Variants in MARCHF1 observed in about 807,000 individuals in gnomAD.
MARCHF1 encodes the protein E3 ubiquitin-protein ligase MARCHF1.
Under a neutral mutation model 54.2 loss-of-function variants are expected in MARCHF1, and 40 were observed. That is an observed-to-expected ratio of 0.74 (90% CI 0.57 to 0.96). MARCHF1 has a LOEUF of 0.96. MARCHF1 is among the 40% of genes least tolerant of loss of function. The pLI, the probability that MARCHF1 is intolerant of heterozygous loss-of-function variation, is 0.00. For missense variants in MARCHF1, 586 were observed against 656.5 expected, an observed-to-expected ratio of 0.89 and a Z score of 1.17; for synonymous variants, 236 against 236.3, an observed-to-expected ratio of 1.00 and a Z score of 0.01.
intron 1 of MARCHF1, among the ~76,000 whole-genome samples, chr4:164,113,706 T>C (rs1755883234): frequency 6.6e-6 from 1 of 151,908 alleles, no homozygotes; most frequent in African/African-American, 2.4e-5. Flanking sequence ...GTAGGGGGGA[T>C]GTCAAAATTT....
chr4:163,610,142 A>G (rs767370031), intron 7 of MARCHF1, among the ~76,000 whole-genome samples: 1 of 151,890 alleles, frequency 6.6e-6, no homozygotes. Flanking sequence ...ATCTCAGCAA[A>G]TCTTTCTTCA....
At chr4:164,015,415 C>T (rs1296403683) in intron 2 of MARCHF1, among the ~76,000 whole-genome samples, 1 of 152,056 alleles carries the variant, frequency 6.6e-6, no homozygotes, top group African/African-American at 2.4e-5. Context: ...TTGAGTAACA[C>T]CTTAAAAACA....
At chr4:164,213,194 G>A (rs1731825607) in intron 1 of MARCHF1, among the ~76,000 whole-genome samples, 1 of 141,718 alleles carries the variant, frequency 7.1e-6, no homozygotes, top group African/African-American at 2.6e-5. Flanking sequence ...TTTTCTCTGG[G>A]CTTTTACTTT....
chr4:164,199,669 C>CAGAG (rs1240485134), intron 1 of MARCHF1, among the ~76,000 whole-genome samples: 25 of 60,836 alleles, frequency 4.1e-4, no homozygotes, highest in Non-Finnish European at 5.1e-4. Flanking sequence ...CACACACACA[C>CAGAG]ACACACACAC....
At chr4:164,293,749 C>T (rs895052454) in intron 1 of MARCHF1, among the ~76,000 whole-genome samples, 2 of 152,188 alleles carry the variant, frequency 1.3e-5, no homozygotes, top group African/African-American at 2.4e-5. Flanking sequence ...AAAAAGACTA[C>T]ATGTGCTGTG....
intron 5 of MARCHF1, among the ~76,000 whole-genome samples, chr4:163,657,005 A>T (rs1358829139): frequency 6.6e-6 from 1 of 152,118 alleles, no homozygotes; most frequent in Non-Finnish European, 1.5e-5. Context: ...CAAGACAAGG[A>T]TGCCCTCTCT....
chr4:163,559,892 C>CTG (rs529727649), intron 8 of MARCHF1, among the ~76,000 whole-genome samples: 145 of 152,302 alleles, frequency 9.5e-4, no homozygotes, highest in African/African-American at 3.2e-3. Context: ...AGTGGCATGT[C>CTG]TTAAAATTTC....
intron 2 of MARCHF1, among the ~76,000 whole-genome samples, chr4:164,072,695 T>A (rs1269893401): frequency 1.5e-5 from 2 of 130,780 alleles, no homozygotes; most frequent in African/African-American, 5.9e-5. Context: ...CTTAAGAAAT[T>A]TTCTCTAGTA....
At chr4:164,007,015 AAAAAAAAAAAAAAAAAAGAACATGC>A (rs1753304417) in intron 2 of MARCHF1, among the ~76,000 whole-genome samples, 1 of 135,718 alleles carries the variant, frequency 7.4e-6, no homozygotes. Flanking sequence ...AAAAAAAAAA[AAAAAAAAAAAAAAAAAAGAACATGC>A]AAAAAGAAAA....
chr4:163,937,452 C>T (rs1434374752), intron 3 of MARCHF1, among the ~76,000 whole-genome samples: 3 of 151,676 alleles, frequency 2.0e-5, no homozygotes, highest in Non-Finnish European at 2.9e-5. Context: ...CCTAGGATAT[C>T]TGAATCCTCA....
chr4:163,780,670 T>G (rs1747439060), intron 4 of MARCHF1, among the ~76,000 whole-genome samples: 1 of 152,174 alleles, frequency 6.6e-6, no homozygotes, highest in Admixed American at 6.5e-5. Context: ...TTTAAGAAAA[T>G]CATATTTGAA....
At chr4:163,556,695 A>C (rs1739302865) in intron 8 of MARCHF1, among the ~76,000 whole-genome samples, 1 of 152,074 alleles carries the variant, frequency 6.6e-6, no homozygotes, top group Non-Finnish European at 1.5e-5. Flanking sequence ...GTGAAACTTG[A>C]AGTATTGGTT....
intron 8 of MARCHF1, among the ~76,000 whole-genome samples, chr4:163,565,029 G>T (rs748476479): frequency 2.6e-5 from 4 of 152,230 alleles, no homozygotes; most frequent in Middle Eastern, 3.4e-3. Context: ...GTGATATTAA[G>T]CTCAGAAAAT....
chr4:163,553,771 C>A (rs1739193098), intron 8 of MARCHF1, among the ~76,000 whole-genome samples: 2 of 152,112 alleles, frequency 1.3e-5, no homozygotes, highest in African/African-American at 4.8e-5. Flanking sequence ...CAAATAAACT[C>A]AAAGCATGAG....
At position 163,957,862 on chromosome 4, in the gene MARCHF1, C is replaced by G. The variant is rs776200357; in HGVS notation, c.-39+30639G>C. Among the ~76,000 whole-genome samples the G allele has an allele frequency of 6.2e-4, 94 of 152,172 alleles. 1 individual carries two copies. The highest frequency in any genetic ancestry group is 1.1e-3 in the Non-Finnish European group (78 of 67,944). ...TGATCTGCACTTGTCTCTTCACAGG[C>G]TCCTGCAATAGCCTCCTAATGAACT... On this transcript the variant is annotated intron_variant, in intron 3 of 9. Transcript: ENST00000514618.
chr4:164,238,822 CTT>C (rs1732642973), intron 1 of MARCHF1, among the ~76,000 whole-genome samples: 1 of 151,906 alleles, frequency 6.6e-6, no homozygotes, highest in Admixed American at 6.6e-5. Context: ...TTAAAACTCT[CTT>C]TTAATCAGGT....
At chr4:163,638,721 C>G (rs28786453) in intron 5 of MARCHF1, among the ~76,000 whole-genome samples, 192 of 152,252 alleles carry the variant, frequency 1.3e-3, no homozygotes, top group African/African-American at 4.5e-3. Context: ...CATTCACATT[C>G]ATTGAAATGT....
At position 164,013,672 on chromosome 4, in the gene MARCHF1, T is replaced by C. The variant is rs558882827; in HGVS notation, c.-247-24963A>G. 7.2e-5 allele frequency among the ~76,000 whole-genome samples: 11 copies of C among 152,284 alleles called. No homozygotes were observed. The South Asian group carries it at 2.1e-3, about 29-fold the overall frequency. ...AAGCAAATAACATATAAAGGAGTTC[T>C]GATGTTTCTAGCAGCAGCAACTGTG... On this transcript the variant is annotated intron_variant, in intron 2 of 9. Transcript: ENST00000514618.
intron 4 of MARCHF1, among the ~76,000 whole-genome samples, chr4:163,794,245 A>G (rs1011546774): frequency 6.6e-6 from 1 of 152,192 alleles, no homozygotes; most frequent in Admixed American, 6.5e-5. Context: ...TACTGAAATT[A>G]TGTATGTTCC....
Sources: allele counts gnomAD v4.1 joint callset (sites outside exome capture counted in the v4.1 genomes callset), GRCh38; gene constraint gnomAD v4.1.1; transcripts MANE v1.5; gene names NCBI Gene and HGNC (gene_info 2026-07-23, HGNC 2026-07-21).